The following SCAF8 variants were observed in gnomAD, a reference collection of about 807,000 sequenced individuals.
The protein encoded by SCAF8 is SR-related and CTD-associated factor 8.
A neutral mutation model predicts 140.5 loss-of-function variants in SCAF8; 23 were observed. That is an observed-to-expected ratio of 0.16 (90% confidence interval 0.12 to 0.23). The LOEUF is 0.23. Among genes scored for constraint, SCAF8 ranks in the 10% least tolerant of loss-of-function variants. The pLI, the probability that SCAF8 is intolerant of heterozygous loss-of-function variation, is 1.00. For synonymous variants in SCAF8, 575 were observed against 528.9 expected (o/e 1.09, Z -1.20); for missense variants, 1,397 against 1,555.7 (o/e 0.90, Z 1.72).
intron 4 of SCAF8, among the ~76,000 whole-genome samples, chr6:154,790,009 G>A (rs866918845): frequency 6.6e-6 from 1 of 152,168 alleles, no homozygotes; most frequent in Non-Finnish European, 1.5e-5. Flanking sequence ...ATTTCTGTCA[G>A]TTCTGGTGAT....
chr6:154,766,661 C>CT (rs1320247902), intron 1 of SCAF8, among the ~76,000 whole-genome samples: 1 of 92,238 alleles, frequency 1.1e-5, no homozygotes. Context: ...CCAGCAGCAC[C>CT]CCCCCCCCTT....
chr6:154,779,779 GTGTATATA>G (rs1374626535), intron 3 of SCAF8, among the ~76,000 whole-genome samples: 13 of 97,654 alleles, frequency 1.3e-4, no homozygotes, highest in African/African-American at 5.5e-4. Context: ...GTGTGTGTGT[GTGTATATA>G]TATATATATA....
chr6:154,763,765 A>T (rs987327400), intron 1 of SCAF8, among the ~76,000 whole-genome samples: 5 of 152,098 alleles, frequency 3.3e-5, no homozygotes, highest in Admixed American at 6.6e-5. Context: ...AAAAACCCAC[A>T]TCTGTAGAAT....
At chr6:154,790,840 CT>C (rs534151260) in intron 4 of SCAF8, among the ~76,000 whole-genome samples, 17 of 151,196 alleles carry the variant, frequency 1.1e-4, no homozygotes, top group South Asian at 2.1e-4. Context: ...TAGCCTCTGT[CT>C]TTTTTTTTCC....
At chr6:154,785,028 A>T (rs1471821556) in intron 3 of SCAF8, among the ~76,000 whole-genome samples, 1 of 152,194 alleles carries the variant, frequency 6.6e-6, no homozygotes, top group African/African-American at 2.4e-5. Flanking sequence ...CTTGCTTGAC[A>T]TTATAGTTTT....
chr6:154,823,883 C>T (rs12523716), intron 16 of SCAF8, among the ~76,000 whole-genome samples: 65,947 of 152,000 alleles, frequency 0.43, 16,422 homozygotes, highest in Non-Finnish European at 0.56. Context: ...CTAAAGCTGT[C>T]ATTGACATGT....
At chr6:154,751,617 A>G (rs536796098) in intron 1 of SCAF8, among the ~76,000 whole-genome samples, 8 of 152,330 alleles carry the variant, frequency 5.3e-5, no homozygotes, top group Middle Eastern at 3.4e-3. Context: ...AAACTTGTTC[A>G]GTCATACCTT....
At position 154,802,013 on chromosome 6, in the gene SCAF8, C is replaced by G; in HGVS notation, c.649C>G (p.Pro217Ala). The G allele has an allele frequency of 6.2e-7, 1 of 1,609,508 alleles. No homozygotes were observed. The highest frequency in any genetic ancestry group is 1.3e-5 in the African/African-American group (1 of 74,712). ...AACCTTACAGATACAACAACAGAAG[C>G]CCCAGCCTTCCATTCTGCAGGCCCT... ...IQTLQIQQQK[P>A]QPSILQALDA... The change falls in exon 7 of 20, where the codon CCC becomes GCC. Residue 217 changes from proline (P) to alanine (A), a missense_variant. By Grantham distance (27) the Pro-to-Ala change is conservative. Transcript: ENST00000367178.
At chr6:154,803,506 C>T (rs1777828484) in intron 7 of SCAF8, 38 bp from the exon 8 acceptor site, 6 of 1,401,190 alleles carry the variant, frequency 4.3e-6, no homozygotes, top group African/African-American at 1.4e-5. Flanking sequence ...TTGTGTGAAG[C>T]ACTTTTTAAT....
At chr6:154,766,666 C>A (rs1395705511) in intron 1 of SCAF8, among the ~76,000 whole-genome samples, 2 of 108,316 alleles carry the variant, frequency 1.8e-5, no homozygotes, top group South Asian at 3.7e-4. Flanking sequence ...AGCACCCCCC[C>A]CCCTTTTTTT....
At chr6:154,794,165 A>G (rs907528114) in intron 5 of SCAF8, among the ~76,000 whole-genome samples, 29 of 152,160 alleles carry the variant, frequency 1.9e-4, no homozygotes, top group African/African-American at 6.5e-4. Context: ...CTAGGGCCCA[A>G]GTAGTCCTCC....
At chr6:154,788,162 G>A (rs1777308428) in intron 4 of SCAF8, 140 bp downstream of exon 4, 1 of 664,060 alleles carries the variant, frequency 1.5e-6, no homozygotes, top group Non-Finnish European at 2.5e-6. Flanking sequence ...TACAGTGGTG[G>A]TCTCCTAAGA....
chr6:154,782,583 TAC>T (rs1164681764), intron 3 of SCAF8, among the ~76,000 whole-genome samples: 1 of 152,134 alleles, frequency 6.6e-6, no homozygotes, highest in African/African-American at 2.4e-5. Flanking sequence ...TGTGTATATA[TAC>T]ACACATATAT....
At chr6:154,772,702 A>G (rs193222392) in intron 1 of SCAF8, among the ~76,000 whole-genome samples, 2 of 152,232 alleles carry the variant, frequency 1.3e-5, no homozygotes, top group Admixed American at 6.5e-5. Context: ...CAATCAATCA[A>G]TCAATCAATA....
At chr6:154,758,302 G>A (rs1336206288) in intron 1 of SCAF8, among the ~76,000 whole-genome samples, 1 of 152,160 alleles carries the variant, frequency 6.6e-6, no homozygotes, top group Non-Finnish European at 1.5e-5. Context: ...TGTTTATCAG[G>A]CAGTCAGTTT....
intron 16 of SCAF8, among the ~76,000 whole-genome samples, chr6:154,823,785 G>A (rs1428248526): frequency 2.0e-5 from 3 of 152,194 alleles, no homozygotes; most frequent in Non-Finnish European, 2.9e-5. Context: ...AAGCTGTGGT[G>A]CAGATGAATA....
chr6:154,765,500 C>CCT (rs1327234837), intron 1 of SCAF8, among the ~76,000 whole-genome samples: 2 of 152,114 alleles, frequency 1.3e-5, no homozygotes, highest in East Asian at 3.8e-4. Context: ...ATTTTTGTAT[C>CCT]CAACGAAACT....
chr6:154,734,635 AC>A (rs1778362375), intron 1 of SCAF8, among the ~76,000 whole-genome samples: 1 of 152,216 alleles, frequency 6.6e-6, no homozygotes, highest in East Asian at 1.9e-4. Context: ...TGGTTCATTC[AC>A]GTGTCAAACA....
At chr6:154,824,601 G>A (rs1405201642) in intron 17 of SCAF8, among the ~76,000 whole-genome samples, 3 of 152,094 alleles carry the variant, frequency 2.0e-5, no homozygotes, top group African/African-American at 7.2e-5. Context: ...GATGCAGATT[G>A]GTGGGAGAAG....
Sources: allele counts gnomAD v4.1 joint callset (sites outside exome capture counted in the v4.1 genomes callset), GRCh38; gene constraint gnomAD v4.1.1; transcripts MANE v1.5; gene names NCBI Gene and HGNC (gene_info 2026-07-23, HGNC 2026-07-21).